GUCY1A2: variants seen among roughly 807,000 people sequenced by gnomAD.
The protein encoded by GUCY1A2 is guanylate cyclase 1 soluble subunit alpha 2.
In GUCY1A2, 27 loss-of-function variants were observed where a neutral mutation model predicts 63.5. The ratio of observed to expected loss-of-function variants is 0.43; its 90% CI spans 0.31 to 0.59. GUCY1A2 has a LOEUF of 0.59. Ranked by LOEUF, GUCY1A2 falls within the 20% of genes least tolerant of loss-of-function variation. The probability of loss-of-function intolerance (pLI) is 0.11; values close to 1 mark genes in which losing one functional copy is unlikely to be tolerated. For synonymous variants in GUCY1A2, 364 were observed against 343.5 expected, an observed-to-expected ratio of 1.06 and a Z score of -0.66; for missense variants, 768 against 913.3, an observed-to-expected ratio of 0.84 and a Z score of 2.05.
At chr11:106,824,778 T>C (rs1242158040) in intron 4 of GUCY1A2, 13 of 1,553,166 alleles carry the variant, frequency 8.4e-6, no homozygotes, top group South Asian at 1.2e-5. Context: ...ACCAAGGTGC[T>C]TGCTTTGTTA....
intron 5 of GUCY1A2, among the ~76,000 whole-genome samples, chr11:106,803,839 C>G (rs1858643820): frequency 6.6e-6 from 1 of 152,178 alleles, no homozygotes; most frequent in Admixed American, 6.5e-5. Flanking sequence ...TTGAAAGAAA[C>G]ATATCTTACC....
intron 6 of GUCY1A2, among the ~76,000 whole-genome samples, chr11:106,715,667 C>G (rs983919127): frequency 2.0e-5 from 3 of 152,170 alleles, no homozygotes; most frequent in African/African-American, 7.2e-5. Context: ...TCATGCTTTT[C>G]TACACTAAAT....
At chr11:106,773,788 A>G (rs185580430) in intron 6 of GUCY1A2, among the ~76,000 whole-genome samples, 4 of 152,322 alleles carry the variant, frequency 2.6e-5, no homozygotes, top group East Asian at 1.9e-4. Context: ...TATTGATTAC[A>G]TGTGTCACAA....
chr11:106,870,798 T>C (rs547048699), intron 4 of GUCY1A2, among the ~76,000 whole-genome samples: 45 of 152,272 alleles, frequency 3.0e-4, no homozygotes, highest in Non-Finnish European at 5.7e-4. Flanking sequence ...GTTCTTTCAT[T>C]CTTTTGTTTT....
intron 4 of GUCY1A2, chr11:106,827,183 C>A (rs1858983032): frequency 1.3e-6 from 2 of 1,507,852 alleles, no homozygotes; most frequent in Admixed American, 1.7e-5. Context: ...TCATGCCAAT[C>A]TGGTCCCAAC....
intron 4 of GUCY1A2, among the ~76,000 whole-genome samples, chr11:106,873,176 G>A (rs1319745789): frequency 1.3e-5 from 2 of 152,096 alleles, no homozygotes; most frequent in Non-Finnish European, 2.9e-5. Flanking sequence ...TCATTGATGG[G>A]CATTTGGGAT....
chr11:106,791,668 C>A (rs1012561296), intron 5 of GUCY1A2, among the ~76,000 whole-genome samples: 3 of 152,094 alleles, frequency 2.0e-5, no homozygotes, highest in Non-Finnish European at 4.4e-5. Flanking sequence ...CTTTTATTTT[C>A]AGAATAAATA....
intron 5 of GUCY1A2, among the ~76,000 whole-genome samples, chr11:106,781,969 A>AG (rs1864472891): frequency 6.6e-6 from 1 of 152,212 alleles, no homozygotes; most frequent in African/African-American, 2.4e-5. Context: ...CTTGCCCTCT[A>AG]GGCTAATACT....
At chr11:106,690,092 C>T (rs1189363475) in intron 7 of GUCY1A2, among the ~76,000 whole-genome samples, 2 of 152,064 alleles carry the variant, frequency 1.3e-5, no homozygotes, top group Non-Finnish European at 2.9e-5. Context: ...TTAGTTCAGC[C>T]ATGGTGGAAG....
chr11:107,002,582 C>T (rs559848717), intron 1 of GUCY1A2, among the ~76,000 whole-genome samples: 2 of 152,142 alleles, frequency 1.3e-5, no homozygotes, highest in Non-Finnish European at 1.5e-5. Flanking sequence ...GGAGAAAACC[C>T]GAAGTCTAAA....
At chr11:106,709,766 ACACG>A (rs1298050335) in intron 6 of GUCY1A2, among the ~76,000 whole-genome samples, 55 of 142,474 alleles carry the variant, frequency 3.9e-4, no homozygotes, top group African/African-American at 1.3e-3. Flanking sequence ...ATAGTTATAT[ACACG>A]TATAGAATAT....
intron 1 of GUCY1A2, among the ~76,000 whole-genome samples, chr11:107,005,451 T>A (rs1191293653): frequency 6.6e-6 from 1 of 152,110 alleles, no homozygotes; most frequent in Non-Finnish European, 1.5e-5. Flanking sequence ...TCTTCAGTAT[T>A]TTTGTAGAGA....
At chr11:106,736,797 AT>A (rs1050586401) in intron 6 of GUCY1A2, among the ~76,000 whole-genome samples, 3 of 151,926 alleles carry the variant, frequency 2.0e-5, no homozygotes, top group African/African-American at 7.3e-5. Context: ...TGTGTCTTCA[AT>A]TTTTTTTAAA....
intron 3 of GUCY1A2, among the ~76,000 whole-genome samples, chr11:106,954,365 G>T (rs1860953379): frequency 6.6e-6 from 1 of 152,130 alleles, no homozygotes; most frequent in Non-Finnish European, 1.5e-5. Context: ...ATTGCACTGT[G>T]GTCCAAGAAA....
At chr11:106,728,420 T>G (rs912067632) in intron 6 of GUCY1A2, among the ~76,000 whole-genome samples, 1 of 152,188 alleles carries the variant, frequency 6.6e-6, no homozygotes. Context: ...CCTGAAGAGA[T>G]AGAGAAGACA....
intron 3 of GUCY1A2, among the ~76,000 whole-genome samples, chr11:106,953,144 C>T (rs1296486578): frequency 6.6e-6 from 1 of 152,100 alleles, no homozygotes; most frequent in African/African-American, 2.4e-5. Flanking sequence ...TTGCCCATTC[C>T]ATATGATATT....
chr11:106,745,995 C>T (rs1331891515), intron 6 of GUCY1A2, among the ~76,000 whole-genome samples: 1 of 152,054 alleles, frequency 6.6e-6, no homozygotes, highest in Non-Finnish European at 1.5e-5. Context: ...AAACAAATGG[C>T]GAATTTCCAT....
chr11:106,836,639 C>A (rs1859121225), intron 4 of GUCY1A2, among the ~76,000 whole-genome samples: 1 of 151,892 alleles, frequency 6.6e-6, no homozygotes. Context: ...AAAAAATACA[C>A]AAAAACCAAG....
chr11:106,993,830 A>C (rs1861502472), intron 1 of GUCY1A2, among the ~76,000 whole-genome samples: 1 of 152,204 alleles, frequency 6.6e-6, no homozygotes, highest in Non-Finnish European at 1.5e-5. Flanking sequence ...TCATAACCAC[A>C]CTTTTTAGAA....
Sources: gnomAD v4.1 joint callset for allele counts (sites outside exome capture counted in the v4.1 genomes callset) on GRCh38, gnomAD v4.1.1 for gene constraint, MANE v1.5 for transcripts, NCBI Gene and HGNC (gene_info 2026-07-23, HGNC 2026-07-21) for gene names.